The following ZNF318 variants were observed in gnomAD, a reference collection of about 807,000 sequenced individuals.
The protein encoded by ZNF318 is endocrine regulator.
A neutral mutation model predicts 124.2 loss-of-function variants in ZNF318; 51 were observed. The observed-to-expected ratio is 0.41, with a 90% CI of 0.33 to 0.52. ZNF318 has a LOEUF of 0.52. ZNF318 is among the 20% of genes least tolerant of loss of function. ZNF318 has a pLI of 0.23. For synonymous variants in ZNF318, 1,090 were observed against 1,040.7 expected (o/e 1.05, Z -0.91); for missense variants, 2,815 against 2,811.2 (o/e 1.00, Z -0.03).
At position 43,337,410 on chromosome 6, in the gene ZNF318, G is replaced by C. The variant is rs746995086; in HGVS notation, c.6588C>G (p.Asp2196Glu). The change falls in exon 10 of 10, where the codon GAC becomes GAG. Residue 2196 changes from aspartate (D) to glutamate (E), a missense_variant. Coordinates refer to ENST00000361428, the MANE Select transcript of ZNF318 (RefSeq NM_014345.3). The part of the protein sequence containing the change: ...KLCSPLSEPG[D>E]PSKCSSLELG... The stretch of plus-strand genomic sequence containing the variant: ...ACTCCAGGGAACTACATTTAGAAGG[G>C]TCACCTGGCTCAGAGAGTGGAGAAC... 6.2e-7 allele frequency: 1 copy of C among 1,614,028 alleles called. No homozygotes were observed. The highest frequency in any genetic ancestry group is 8.5e-7 in the Non-Finnish European group (1 of 1,180,038).
At position 43,337,603 on chromosome 6, in the gene ZNF318, CCTG is replaced by C. The variant is rs760037736; in HGVS notation, c.6392_6394del (p.Ala2131del). 2.5e-6 allele frequency: 4 copies of C among 1,614,146 alleles called. No individual in the cohort carries two copies. The South Asian group carries it at 3.3e-5, about 13-fold the overall frequency. On this transcript the variant is annotated inframe_deletion, in exon 10 of 10. Coordinates refer to ENST00000361428, the MANE Select transcript of ZNF318 (RefSeq NM_014345.3). ...TTTTACTTCCTCAGGCATCATTCCTCCTGCTAACAGGTCAAGGGCCTGGTGTGT... is the reference window on the plus strand; with the variant it reads ...TTTTACTTCCTCAGGCATCATTCCTCCTAACAGGTCAAGGGCCTGGTGTGT...
Position 43,342,659 on chromosome 6 carries a change from G to C in ZNF318, c.3276+17C>G. The stretch of plus-strand genomic sequence containing the variant: ...AGTGAGGGTGGGAGTGAAAATAACA[G>C]AGAGTAGGATACCAACCTGTGTGTG... On this transcript the variant is annotated intron_variant, in intron 7 of 9. Transcript: ENST00000361428. 2 of 1,613,022 alleles carry C rather than the reference G, an allele frequency of 1.2e-6. No individual in the cohort carries two copies. Among genetic ancestry groups the C allele is most frequent in the East Asian group, 2.2e-5 (1 of 44,868 alleles).
intron 3 of ZNF318, 77 bp from the exon 4 acceptor site, chr6:43,356,222 C>T (rs1779607485): frequency 6.8e-7 from 1 of 1,462,288 alleles, no homozygotes; most frequent in Non-Finnish European, 9.1e-7. Flanking sequence ...TACTTAAATA[C>T]TTTGGTCTTC....
At position 43,355,454 on chromosome 6, in the gene ZNF318, C is replaced by A. The variant is rs374524745; in HGVS notation, c.1880G>T (p.Arg627Leu). 6.2e-7 allele frequency: 1 copy of A among 1,614,026 alleles called. No homozygotes were observed. The highest frequency in any genetic ancestry group is 1.3e-5 in the African/African-American group (1 of 74,904). The change falls in exon 4 of 10, where the codon CGC (arginine) becomes CTC (leucine). Residue 627 changes from arginine (R) to leucine (L), a missense_variant. By Grantham distance (102) the Arg-to-Leu change is moderately radical (BLOSUM62 -2). This residue lies in a region of ZNF318 where 1,377 missense variants were observed against 1,353.5 expected (regional missense o/e 1.02). Transcript: ENST00000361428. ...TGAGGAACGGCGGTCAGCTGAGGAGCGTAATGATGGCTTCTTGCCATGAAG... is the reference window on the plus strand; with the variant it reads ...TGAGGAACGGCGGTCAGCTGAGGAGAGTAATGATGGCTTCTTGCCATGAAG... The part of the protein sequence containing the change: ...ERLHGKKPSL[R>L]SSADRRSSVD...
chr6:43,359,823 C>T (rs1007039458), intron 2 of ZNF318, among the ~76,000 whole-genome samples: 1 of 152,150 alleles, frequency 6.6e-6, no homozygotes, highest in Non-Finnish European at 1.5e-5. Context: ...GTTTCTGTTA[C>T]CCACCTTCTT....
rs146344401 is a variant in ZNF318, at chr6:43,338,013, G to A, written c.5985C>T (p.Ser1995=). 1.1e-5 allele frequency: 18 copies of A among 1,614,030 alleles called. No homozygotes were observed. In the African/African-American group the frequency reaches 1.6e-4, roughly 14 times the overall value. Residue 1995 remains serine (S), a synonymous_variant, in exon 10 of 10, where the codon AGC becomes AGT. Transcript: ENST00000361428. ...VHPELTVTIE[S]KALEDFEATD... is the part of the protein sequence containing the mutation. ...TAGCTTCAAAGTCTTCTAGGGCCTT[G>A]CTTTCTATTGTCACTGTTAACTCTG...
chr6:43,338,200 G>T lies in ZNF318; in HGVS notation c.5798C>A (p.Ser1933Tyr). Residue 1933 changes from serine to tyrosine, a missense_variant, in exon 10 of 10, where the codon TCT (serine) becomes TAT (tyrosine). Physicochemically the swap from Ser to Tyr is moderately radical, Grantham distance 144. Transcript: ENST00000361428. ...CTTGAGTTTGAGACTTCTGTACCTA[G>T]AAGTTCTAGAAGCTGATTCTGGAGC... ...NSAPESASRT[S>Y]RYRSLKLKRE... 1 of 1,614,110 alleles carries T rather than the reference G, an allele frequency of 6.2e-7. No homozygotes were observed.
intron 5 of ZNF318, 129 bp downstream of exon 5, chr6:43,352,248 T>G (rs1779539672): frequency 1.5e-6 from 1 of 679,644 alleles, no homozygotes; most frequent in South Asian, 2.0e-5. Flanking sequence ...GCAACTTTTT[T>G]GTAAGTTTAA....
rs777041821 is a variant in ZNF318, at chr6:43,352,424, T to A, written c.2723A>T (p.Lys908Met). The A allele has an allele frequency of 1.8e-5, 29 of 1,614,058 alleles. No individual in the cohort carries two copies. The highest frequency in any genetic ancestry group is 8.9e-5 in the East Asian group (4 of 44,902). ...LKNDREARQK[K>M]MYYLRTELER... ...TAACTCGGTCCTAAGATAGTACATC[T>A]TCTTCTGGCGGGCTTCCCGGTCATT... The change falls in exon 5 of 10, where the codon AAG becomes ATG. Residue 908 changes from lysine to methionine, a missense_variant. Physicochemically the swap from Lys to Met is moderately conservative, Grantham distance 95 (BLOSUM62 -1). Around this residue, in one of 4 missense-constraint regions of ZNF318, gnomAD observed 1,377 missense variants for 1,353.5 expected, o/e 1.02. Transcript: ENST00000361428.
chr6:43,353,474 A>G lies in ZNF318; in HGVS notation c.2671-998T>C, dbSNP rs530384620. Among the ~76,000 whole-genome samples the G allele has an allele frequency of 1.1e-4, 16 of 151,274 alleles. No individual in the cohort carries two copies. In the South Asian group the frequency reaches 3.1e-3, roughly 30 times the overall value. ...ACTGCAACCTCCATCTCCTAGGTTC[A>G]AGCAATTCTCCTGCCACAGCCTCCT... On this transcript the variant is annotated intron_variant, in intron 4 of 9. Coordinates refer to ENST00000361428, the MANE Select transcript of ZNF318 (RefSeq NM_014345.3).
rs1284669363 is a variant in ZNF318 at position 43,355,177 on chromosome 6, C to T, written c.2157G>A (p.Val719=). 2 of 1,614,208 alleles carry T rather than the reference C, an allele frequency of 1.2e-6. No homozygotes were observed. The highest frequency in any genetic ancestry group is 3.3e-5 in the Admixed American group (2 of 60,026). ...CCACCTCTGGTCCTGAAATATGACC[C>T]ACTGGATGGTCAGACTTTAGGAATG... ...SPPFLKSDHP[V]GHISGPEVVG... The change falls in exon 4 of 10, where the codon GTG becomes GTA. Residue 719 remains valine, a synonymous_variant. Transcript: ENST00000361428.
At position 43,369,048 on chromosome 6, in the gene ZNF318, G is replaced by A; in HGVS notation, c.318C>T (p.Phe106=). The A allele has an allele frequency of 7.3e-7, 1 of 1,373,712 alleles. No individual in the cohort carries two copies. The highest frequency in any genetic ancestry group is 9.4e-7 in the Non-Finnish European group (1 of 1,059,736). The allele number at this position is 1,373,712 out of a possible 1,614,324, so 85.1% of individuals were successfully genotyped here. A position where few individuals can be genotyped will look rare whatever the true frequency, so the allele number is the denominator to read the frequency against. The stretch of plus-strand genomic sequence containing the variant: ...GGGACTCCCCCCGGCTGCTGCCTCT[G>A]AAGCCGGCCGGGCCCGGCGGGAAGA... ...RRLFPPGPAG[F]RGSSRGESRA... Residue 106 remains phenylalanine, a synonymous_variant, in exon 1 of 10, where the codon TTC becomes TTT. Transcript: ENST00000361428.
intron 5 of ZNF318, among the ~76,000 whole-genome samples, chr6:43,351,324 G>C (rs1236877004): frequency 6.6e-6 from 1 of 152,208 alleles, no homozygotes; most frequent in East Asian, 1.9e-4. Context: ...ATATGAGTAA[G>C]AATGGTAGAC....
chr6:43,340,153 T>C lies in ZNF318; in HGVS notation c.3845A>G (p.Glu1282Gly). 1.9e-6 allele frequency: 3 copies of C among 1,614,164 alleles called. No homozygotes were observed. The highest frequency in any genetic ancestry group is 1.7e-6 in the Non-Finnish European group (2 of 1,180,016). Reference protein sequence around the residue: ...SFGKFSWKKPEKEEEKSSLVT... With the variant: ...SFGKFSWKKPGKEEEKSSLVT... ...CAATGAACTTTTCTCCTCTTCTTTT[T>C]CTGGCTTCTTCCAGCTGAATTTCCC... is the stretch of plus-strand genomic sequence containing the variant. The change falls in exon 10 of 10, where the codon GAA (glutamate) becomes GGA (glycine). Residue 1282 changes from glutamate (E) to glycine (G), a missense_variant. Physicochemically the swap from Glu to Gly is moderately conservative, Grantham distance 98 (BLOSUM62 -2). Transcript: ENST00000361428.
intron 8 of ZNF318, 31 bp downstream of exon 8, chr6:43,342,081 A>T: frequency 1.3e-6 from 2 of 1,599,818 alleles, no homozygotes; most frequent in Non-Finnish European, 1.7e-6. Flanking sequence ...GAATGTAAGG[A>T]AACCACAAAG....
intron 5 of ZNF318, among the ~76,000 whole-genome samples, chr6:43,350,132 C>T (rs973007330): frequency 6.6e-6 from 1 of 152,144 alleles, no homozygotes; most frequent in African/African-American, 2.4e-5. Flanking sequence ...CGCCTGTAAT[C>T]CCAGCTACTT....
chr6:43,339,550 G>C lies in ZNF318; in HGVS notation c.4448C>G (p.Ser1483Cys). 1.2e-6 allele frequency: 2 copies of C among 1,607,446 alleles called. No individual in the cohort carries two copies. Among genetic ancestry groups the C allele is most frequent in the Middle Eastern group, 1.7e-4 (1 of 6,030 alleles). Residue 1483 changes from serine to cysteine, a missense_variant, in exon 10 of 10, where the codon TCT (serine) becomes TGT (cysteine). This residue lies in a region of ZNF318 where 500 missense variants were observed against 605.2 expected (regional missense o/e 0.83). Coordinates refer to ENST00000361428, the MANE Select transcript of ZNF318 (RefSeq NM_014345.3). The surrounding 1 kb of genome is among the most constrained non-coding windows in gnomAD (Gnocchi z 4.2). ...CACGAAGCCAGGGCTGAGAGTCTGA[G>C]ATACAACTGGGTTTGATTTTACTGG... ...LAPVKSNPVV[S>C]QTLSPGFVGP...
intron 2 of ZNF318, among the ~76,000 whole-genome samples, chr6:43,359,420 A>G (rs1400915227): frequency 6.6e-6 from 1 of 152,216 alleles, no homozygotes; most frequent in Non-Finnish European, 1.5e-5. Flanking sequence ...ACAAAACTAA[A>G]GTTTCTGATT....
At chr6:43,365,633 A>AT (rs981625002) in intron 1 of ZNF318, among the ~76,000 whole-genome samples, 193 bp from the exon 2 acceptor site, 1 of 152,132 alleles carries the variant, frequency 6.6e-6, no homozygotes, top group Non-Finnish European at 1.5e-5. Flanking sequence ...CTCCATCTCT[A>AT]TAAAAAAAAG....
Sources: gnomAD v4.1 joint callset for allele counts (sites outside exome capture counted in the v4.1 genomes callset) on GRCh38, gnomAD v4.1.1 for gene constraint, gnomAD v4.1.1 regional missense constraint, Gnocchi (gnomAD v3.1) non-coding constraint, MANE v1.5 for transcripts, NCBI Gene and HGNC (gene_info 2026-07-23, HGNC 2026-07-21) for gene names.